The following MTIF2 variants were observed in gnomAD, a reference collection of about 807,000 sequenced individuals.
MTIF2 encodes mitochondrial translational initiation factor 2.
Under a neutral mutation model 83.5 loss-of-function variants are expected in MTIF2, and 71 were observed. The ratio of observed to expected loss-of-function variants is 0.85; its 90% confidence interval spans 0.70 to 1.04. The LOEUF (loss-of-function observed/expected upper bound fraction) is 1.04, where lower values mean the gene tolerates loss of function less well. Among genes scored for constraint, MTIF2 ranks in the 50% least tolerant of loss-of-function variants. The pLI, the probability that MTIF2 is intolerant of heterozygous loss-of-function variation, is 0.00. For missense variants in MTIF2, 957 were observed against 846.5 expected (o/e 1.13, Z -1.62); for synonymous variants, 319 against 287.1 (o/e 1.11, Z -1.12).
intron 13 of MTIF2, among the ~76,000 whole-genome samples, chr2:55,240,407 C>T (rs947392481): frequency 6.6e-6 from 1 of 152,106 alleles, no homozygotes; most frequent in African/African-American, 2.4e-5. Flanking sequence ...ATGGTGAAAC[C>T]CTGTCTCTAC....
intron 9 of MTIF2, among the ~76,000 whole-genome samples, chr2:55,248,521 C>G (rs967985166): frequency 2.0e-5 from 3 of 152,114 alleles, no homozygotes; most frequent in Non-Finnish European, 4.4e-5. Flanking sequence ...TGTCACTTAG[C>G]AGCAACCTCT....
chr2:55,248,349 T>C (rs960487456), intron 9 of MTIF2, among the ~76,000 whole-genome samples: 1 of 152,162 alleles, frequency 6.6e-6, no homozygotes, highest in African/African-American at 2.4e-5. Flanking sequence ...TTTCTAACTA[T>C]CTTGGAGGTA....
At position 55,243,417 on chromosome 2, in the gene MTIF2, T is replaced by C. The variant is rs1676465542; in HGVS notation, c.1563A>G (p.Lys521=). The change falls in exon 12 of 16, where the codon AAA becomes AAG. Residue 521 remains lysine, a splice_region_variant and synonymous_variant. Transcript: ENST00000263629. ...RDSNVLSVII[K]GDVDGSVEAI... is the part of the protein sequence containing the mutation. ...AATGTAAAATCTTTAAAAAGATACC[T>C]TTAATAATCACAGAAAGTACATTTG... 2 of 1,598,570 alleles carry C rather than the reference T, an allele frequency of 1.3e-6. No homozygotes were observed. The highest frequency in any genetic ancestry group is 2.2e-5 in the East Asian group (1 of 44,730).
intron 3 of MTIF2, among the ~76,000 whole-genome samples, chr2:55,264,734 G>A (rs1379568798): frequency 1.3e-5 from 2 of 152,028 alleles, no homozygotes; most frequent in Non-Finnish European, 2.9e-5. Flanking sequence ...CTTTATAGTA[G>A]GAAGAAGACA....
intron 10 of MTIF2, among the ~76,000 whole-genome samples, chr2:55,245,651 C>T (rs953094034): frequency 3.3e-5 from 5 of 152,040 alleles, no homozygotes; most frequent in South Asian, 2.1e-4. Context: ...TAGTTCAACA[C>T]GTCTGTTGCA....
intron 10 of MTIF2, among the ~76,000 whole-genome samples, chr2:55,246,044 T>C (rs1230074427): frequency 1.3e-5 from 2 of 152,176 alleles, no homozygotes; most frequent in Non-Finnish European, 2.9e-5. Context: ...TCTATAAGAC[T>C]TTACCAATTC....
In MTIF2 at chr2:55,236,624, G is replaced by C. The variant is rs773757426; in HGVS notation, c.*24C>G. The C allele has an allele frequency of 5.8e-5, 90 of 1,564,978 alleles. No individual in the cohort carries two copies. Among genetic ancestry groups the C allele is most frequent in the Non-Finnish European group, 7.5e-5 (87 of 1,159,996 alleles). ...TACCTTCAAACAAACAACACGTTGAGTTATTTACATTTTTAATGTAATTTT... is the reference window on the plus strand; with the variant it reads ...TACCTTCAAACAAACAACACGTTGACTTATTTACATTTTTAATGTAATTTT... On this transcript the variant is annotated 3_prime_UTR_variant, in exon 16 of 16. Transcript: ENST00000263629.
At chr2:55,248,556 C>T (rs549781029) in intron 9 of MTIF2, among the ~76,000 whole-genome samples, 1 of 152,234 alleles carries the variant, frequency 6.6e-6, no homozygotes, top group South Asian at 2.1e-4. Flanking sequence ...TTGGAAAACA[C>T]TTATAAGAGG....
chr2:55,245,102 C>A (rs957165124), intron 10 of MTIF2, among the ~76,000 whole-genome samples: 1 of 152,016 alleles, frequency 6.6e-6, no homozygotes, highest in Non-Finnish European at 1.5e-5. Flanking sequence ...AAAAGGAAAT[C>A]TTTTCACAGG....
intron 5 of MTIF2, among the ~76,000 whole-genome samples, chr2:55,255,467 T>G (rs1677444302): frequency 6.8e-6 from 1 of 147,122 alleles, no homozygotes; most frequent in Non-Finnish European, 1.5e-5. Context: ...AAATCAAATA[T>G]GTAAAATATT....
intron 7 of MTIF2, among the ~76,000 whole-genome samples, chr2:55,253,539 A>G (rs1173675282): frequency 6.6e-6 from 1 of 152,102 alleles, no homozygotes; most frequent in Non-Finnish European, 1.5e-5. Context: ...AAATTAAGCC[A>G]GGCACGATGG....
intron 4 of MTIF2, 123 bp downstream of exon 4, chr2:55,263,517 G>A (rs1678192325): frequency 1.5e-6 from 1 of 679,358 alleles, no homozygotes; most frequent in Admixed American, 2.9e-5. Context: ...GGCTGAGGCA[G>A]GAGAATTGCT....
chr2:55,239,027 A>C (rs1025031865), intron 14 of MTIF2, among the ~76,000 whole-genome samples: 13 of 152,252 alleles, frequency 8.5e-5, no homozygotes, highest in African/African-American at 3.1e-4. Context: ...TAGCTGTCCA[A>C]TATGCTTCAA....
chr2:55,247,283 A>T (rs779263302), intron 9 of MTIF2, among the ~76,000 whole-genome samples: 3 of 152,216 alleles, frequency 2.0e-5, no homozygotes, highest in Non-Finnish European at 2.9e-5. Flanking sequence ...AGGGCCGGGC[A>T]CGGTGGCTCA....
At chr2:55,260,260 G>C (rs552390813) in intron 5 of MTIF2, among the ~76,000 whole-genome samples, 8 of 152,004 alleles carry the variant, frequency 5.3e-5, no homozygotes, top group Admixed American at 3.9e-4. Flanking sequence ...TTAGCCGGGC[G>C]TGGTGGCACA....
rs540448511 is a variant in MTIF2 at position 55,246,459 on chromosome 2, G to A, written c.984C>T (p.Gly328=). 29 of 1,612,814 alleles carry A rather than the reference G, an allele frequency of 1.8e-5. No homozygotes were observed. The highest frequency in any genetic ancestry group is 4.5e-5 in the East Asian group (2 of 44,818). ...VQAVPVSALT[G]DNLMALAEAT... ...CTTCTGCCAAAGCCATCAGATTATC[G>A]CCCTTTAACAATAACAAACGTTGTT... is the stretch of plus-strand genomic sequence containing the variant. Residue 328 remains glycine (G), a splice_region_variant and synonymous_variant, in exon 10 of 16, where the codon GGC becomes GGT. Transcript: ENST00000263629.
At chr2:55,240,251 AC>A in intron 13 of MTIF2, 76 bp from the exon 14 acceptor site, 1 of 1,314,254 alleles carries the variant, frequency 7.6e-7, no homozygotes, top group Non-Finnish European at 1.1e-6. Context: ...TCAAGCAGAA[AC>A]TTGAATCTAA....
chr2:55,250,414 C>T (rs1677012270), intron 8 of MTIF2, among the ~76,000 whole-genome samples: 1 of 147,838 alleles, frequency 6.8e-6, no homozygotes, highest in Admixed American at 6.7e-5. Context: ...TGGAGATAAT[C>T]TCCAAAAAAA....
chr2:55,262,439 A>G lies in MTIF2; in HGVS notation c.220-12T>C. On this transcript the variant is annotated splice_polypyrimidine_tract_variant and intron_variant, in intron 4 of 15. Coordinates refer to ENST00000263629, the MANE Select transcript of MTIF2 (RefSeq NM_002453.3). Reference sequence around the variant, plus strand: ...CATGGTCCTTCTTCCTATTAAAAAAATCAGAACATATAAACAAAAAGGAAG... The same window carrying G: ...CATGGTCCTTCTTCCTATTAAAAAAGTCAGAACATATAAACAAAAAGGAAG... The G allele has an allele frequency of 1.9e-6, 3 of 1,556,058 alleles. No individual in the cohort carries two copies. The highest frequency in any genetic ancestry group is 2.6e-6 in the Non-Finnish European group (3 of 1,135,194).
Sources: allele counts gnomAD v4.1 joint callset (sites outside exome capture counted in the v4.1 genomes callset), GRCh38; gene constraint gnomAD v4.1.1; transcripts MANE v1.5; gene names NCBI Gene and HGNC (gene_info 2026-07-23, HGNC 2026-07-21).